NTRK3: variants seen among roughly 807,000 people sequenced by gnomAD.
The protein encoded by NTRK3 is neurotrophic receptor tyrosine kinase 3.
Under a neutral mutation model 91.7 loss-of-function variants are expected in NTRK3, and 24 were observed. The ratio of observed to expected loss-of-function variants is 0.26; its 90% CI spans 0.19 to 0.37. The LOEUF is 0.37. NTRK3 is among the 10% of genes least tolerant of loss of function. The pLI is 1.00. For missense variants in NTRK3, 880 were observed against 1,068.9 expected (o/e 0.82, Z 2.46); for synonymous variants, 483 against 404.0 (o/e 1.20, Z -2.34).
intron 14 of NTRK3, among the ~76,000 whole-genome samples, chr15:88,029,191 C>T (rs898980006): frequency 2.6e-5 from 4 of 152,178 alleles, no homozygotes; most frequent in African/African-American, 9.7e-5. Flanking sequence ...GTATACATTG[C>T]AAACTAGGAG....
Position 87,867,553 on chromosome 15 carries a change from C to G in NTRK3, c.*9382G>C, listed in dbSNP as rs1328437658. 4 of 229,676 alleles carry G rather than the reference C, an allele frequency of 1.7e-5. No individual in the cohort carries two copies. In the South Asian group the frequency reaches 7.3e-4, roughly 42 times the overall value. 14.2% of individuals were successfully genotyped at this position (229,676 alleles called of 1,614,324 possible). On this transcript the variant is annotated 3_prime_UTR_variant, in exon 19 of 19. Transcript: ENST00000394480. ...TGGATGAGAAACAGATTGGCTTGCC[C>G]CATCTCTGGAATTAGAGGGGCACAG...
At chr15:88,081,421 T>A (rs149454142) in intron 13 of NTRK3, among the ~76,000 whole-genome samples, 4 of 152,308 alleles carry the variant, frequency 2.6e-5, no homozygotes, top group East Asian at 3.9e-4. Flanking sequence ...CATTCCTCAA[T>A]CCCACTGACC....
intron 14 of NTRK3, among the ~76,000 whole-genome samples, chr15:88,025,606 C>G (rs978597713): frequency 6.6e-6 from 1 of 152,116 alleles, no homozygotes; most frequent in South Asian, 2.1e-4. Context: ...CCCAGCAACA[C>G]CACCAGAAAC....
chr15:88,029,796 C>T (rs933170037), intron 14 of NTRK3, among the ~76,000 whole-genome samples: 3 of 152,182 alleles, frequency 2.0e-5, no homozygotes, highest in Non-Finnish European at 2.9e-5. Context: ...AGTGGCTCAT[C>T]GCACACAGGG....
chr15:88,021,190 A>C (rs975186503), intron 14 of NTRK3, among the ~76,000 whole-genome samples: 10 of 152,226 alleles, frequency 6.6e-5, no homozygotes, highest in Non-Finnish European at 1.5e-4. Context: ...AATCCTGAAG[A>C]ATGTTACCAC....
intron 14 of NTRK3, among the ~76,000 whole-genome samples, chr15:88,000,158 T>A (rs2075997786): frequency 6.6e-6 from 1 of 152,122 alleles, no homozygotes; most frequent in South Asian, 2.1e-4. Flanking sequence ...TAGACACAGG[T>A]AGGGACTAAT....
At chr15:88,008,938 C>T (rs544896801) in intron 14 of NTRK3, among the ~76,000 whole-genome samples, 37 of 152,264 alleles carry the variant, frequency 2.4e-4, no homozygotes, top group African/African-American at 8.9e-4. Context: ...CCCCCTCGGG[C>T]CTAGAGAAGA....
chr15:88,084,426 G>T (rs2150686983), intron 13 of NTRK3, among the ~76,000 whole-genome samples: 1 of 152,328 alleles, frequency 6.6e-6, no homozygotes, highest in East Asian at 1.9e-4. Flanking sequence ...CTGCAGGAGG[G>T]AGAGGAGGCA....
intron 17 of NTRK3, among the ~76,000 whole-genome samples, chr15:87,918,848 G>C (rs1052148121): frequency 2.6e-5 from 4 of 152,148 alleles, no homozygotes; most frequent in Admixed American, 2.6e-4. Context: ...TGGAAACTAA[G>C]CATCTAATTT....
At chr15:88,221,108 C>T (rs916912210) in intron 3 of NTRK3, among the ~76,000 whole-genome samples, 7 of 152,160 alleles carry the variant, frequency 4.6e-5, no homozygotes, top group African/African-American at 9.7e-5. Flanking sequence ...GGACTTCATG[C>T]GGATTAATTT....
exon 19 of NTRK3, chr15:87,864,674 T>A (rs961853093): frequency 1.3e-5 from 3 of 230,204 alleles, no homozygotes; most frequent in Non-Finnish European, 2.6e-5. Context: ...CTTGTATTTT[T>A]TAGAGCATTC....
intron 14 of NTRK3, among the ~76,000 whole-genome samples, chr15:87,974,113 G>T (rs2073498966): frequency 1.3e-5 from 2 of 152,124 alleles, no homozygotes; most frequent in South Asian, 4.2e-4. Flanking sequence ...CTCATGCCTG[G>T]TCTTGACCTG....
intron 3 of NTRK3, among the ~76,000 whole-genome samples, chr15:88,228,955 C>A (rs2050926297): frequency 6.6e-6 from 1 of 152,076 alleles, no homozygotes; most frequent in African/African-American, 2.4e-5. Flanking sequence ...CTGGGGAGCT[C>A]CCTCCTTTGC....
chr15:87,916,308 G>GA (rs11353828), intron 17 of NTRK3: 38,840 of 330,174 alleles, frequency 0.12, 238 homozygotes, highest in Non-Finnish European at 0.13. Context: ...TTTGTCTCAG[G>GA]AAAAAAAAAA....
intron 14 of NTRK3, among the ~76,000 whole-genome samples, chr15:87,947,037 C>T (rs2070611371): frequency 1.3e-5 from 2 of 152,004 alleles, no homozygotes; most frequent in Non-Finnish European, 2.9e-5. Context: ...TGCCACCACA[C>T]CTGGTGAATT....
At chr15:87,863,910 A>G (rs956327019) in exon 19 of NTRK3, 1 of 231,562 alleles carries the variant, frequency 4.3e-6, no homozygotes. Context: ...TATTATGCTA[A>G]AGAGAAAGTA....
At chr15:88,217,005 T>C (rs1285321075) in intron 3 of NTRK3, among the ~76,000 whole-genome samples, 2 of 152,172 alleles carry the variant, frequency 1.3e-5, no homozygotes, top group African/African-American at 4.8e-5. Context: ...TTATGGCCGA[T>C]AAGCACATGA....
chr15:88,186,127 G>A (rs1332834125), intron 3 of NTRK3, among the ~76,000 whole-genome samples: 3 of 152,132 alleles, frequency 2.0e-5, no homozygotes, highest in Admixed American at 6.5e-5. Flanking sequence ...TGTATTCCCC[G>A]GGTTTTGTAA....
intron 3 of NTRK3, among the ~76,000 whole-genome samples, chr15:88,248,545 T>G (rs1047942181): frequency 9.2e-5 from 14 of 152,254 alleles, no homozygotes; most frequent in African/African-American, 2.9e-4. Context: ...TGTGCATGTG[T>G]GCATATATAT....
Sources: gnomAD v4.1 joint callset for allele counts (sites outside exome capture counted in the v4.1 genomes callset) on GRCh38, gnomAD v4.1.1 for gene constraint, MANE v1.5 for transcripts, NCBI Gene and HGNC (gene_info 2026-07-23, HGNC 2026-07-21) for gene names.